Variants in KCNH7 observed in about 807,000 individuals in gnomAD.
The protein encoded by KCNH7 is voltage-gated inwardly rectifying potassium channel KCNH7.
KCNH7 carries 49 observed loss-of-function variants against 120.8 expected under a neutral mutation model. The ratio of observed to expected loss-of-function variants is 0.41; its 90% confidence interval spans 0.32 to 0.51. The LOEUF is 0.51. Among genes scored for constraint, KCNH7 ranks in the 20% least tolerant of loss-of-function variants. The pLI, the probability that KCNH7 is intolerant of heterozygous loss-of-function variation, is 0.38. For synonymous variants in KCNH7, 547 were observed against 516.1 expected (o/e 1.06, Z -0.81); for missense variants, 1,097 against 1,446.6 (o/e 0.76, Z 3.92).
intron 6 of KCNH7, among the ~76,000 whole-genome samples, chr2:162,495,286 A>G (rs2105728116): frequency 6.6e-6 from 1 of 152,286 alleles, no homozygotes; most frequent in East Asian, 1.9e-4. Context: ...CCTTGTCTAA[A>G]GAGTCCCTGT....
chr2:162,500,882 T>C (rs1261731624), intron 6 of KCNH7, among the ~76,000 whole-genome samples: 1 of 152,102 alleles, frequency 6.6e-6, no homozygotes, highest in African/African-American at 2.4e-5. Flanking sequence ...TTGTTTTTGG[T>C]GACCAGAGGA....
intron 2 of KCNH7, among the ~76,000 whole-genome samples, chr2:162,588,927 G>A (rs1439346989): frequency 6.6e-6 from 1 of 151,992 alleles, no homozygotes; most frequent in Admixed American, 6.6e-5. Context: ...TGGTGGGTGC[G>A]ATCCTAGGAC....
At chr2:162,586,413 T>C (rs549863921) in intron 2 of KCNH7, among the ~76,000 whole-genome samples, 1 of 152,114 alleles carries the variant, frequency 6.6e-6, no homozygotes, top group Admixed American at 6.6e-5. Context: ...ATCCCAGCCA[T>C]CCCAGGTGAG....
intron 2 of KCNH7, among the ~76,000 whole-genome samples, chr2:162,778,345 T>C (rs1272268315): frequency 6.6e-6 from 1 of 152,164 alleles, no homozygotes; most frequent in East Asian, 1.9e-4. Flanking sequence ...TTGTCCACCA[T>C]CTTAAATTGT....
intron 2 of KCNH7, among the ~76,000 whole-genome samples, chr2:162,647,344 C>T (rs961519918): frequency 6.6e-6 from 1 of 152,146 alleles, no homozygotes; most frequent in African/African-American, 2.4e-5. Flanking sequence ...CAGTAAAAAG[C>T]AGCTAGCCCC....
intron 6 of KCNH7, among the ~76,000 whole-genome samples, chr2:162,502,750 G>A (rs558957199): frequency 3.3e-5 from 5 of 152,066 alleles, no homozygotes; most frequent in Admixed American, 6.6e-5. Context: ...AAAGCCCCCA[G>A]AGCAGGTGCT....
intron 2 of KCNH7, among the ~76,000 whole-genome samples, chr2:162,577,686 C>A (rs10194384): frequency 0.52 from 78,505 of 151,656 alleles, 20,550 homozygotes; most frequent in Middle Eastern, 0.62. Context: ...GTCATACCAA[C>A]CTAGATGAGG....
intron 8 of KCNH7, among the ~76,000 whole-genome samples, chr2:162,429,381 G>GTTTTTTTTTTTTTTTTTTTTTTTT (rs1158431426): frequency 4.6e-5 from 2 of 43,408 alleles, no homozygotes; most frequent in Admixed American, 7.5e-4. Context: ...TGAGGAAAAA[G>GTTTTTTTTTTTTTTTTTTTTTTTT]TCTTTTTTTT....
At chr2:162,567,558 C>T (rs188920271) in intron 2 of KCNH7, among the ~76,000 whole-genome samples, 1 of 152,070 alleles carries the variant, frequency 6.6e-6, no homozygotes, top group East Asian at 1.9e-4. Context: ...GTGATTATGG[C>T]AGGAAATGAT....
rs948552699 is a variant in KCNH7 at position 162,538,353 on chromosome 2, G to A, written c.308-1273C>T. Among the ~76,000 whole-genome samples the A allele has an allele frequency of 9.2e-5, 14 of 152,024 alleles. 1 individual carries two copies. Among genetic ancestry groups the A allele is most frequent in the African/African-American group, 3.1e-4 (13 of 41,406 alleles). Reference sequence around the variant, plus strand: ...CGGACCCCCCTGATTTAGGAAATGTGTCCATTTCGACTGCTTTTTTTCACA... The same window carrying A: ...CGGACCCCCCTGATTTAGGAAATGTATCCATTTCGACTGCTTTTTTTCACA... On this transcript the variant is annotated intron_variant, in intron 2 of 15. Transcript: ENST00000332142.
At chr2:162,645,488 C>G (rs534069278) in intron 2 of KCNH7, among the ~76,000 whole-genome samples, 1 of 152,062 alleles carries the variant, frequency 6.6e-6, no homozygotes, top group East Asian at 1.9e-4. Context: ...CACCATGGAA[C>G]AGAGGTACCA....
At chr2:162,458,151 G>A (rs1689033407) in intron 6 of KCNH7, among the ~76,000 whole-genome samples, 1 of 151,522 alleles carries the variant, frequency 6.6e-6, no homozygotes, top group African/African-American at 2.4e-5. Flanking sequence ...GAGTAGGGAT[G>A]ATTGTATAAT....
At chr2:162,439,256 G>A (rs543989653) in intron 7 of KCNH7, among the ~76,000 whole-genome samples, 35 of 151,976 alleles carry the variant, frequency 2.3e-4, no homozygotes, top group Non-Finnish European at 4.3e-4. Flanking sequence ...CTTTTCACTG[G>A]TATTAGAAAA....
At chr2:162,391,600 T>A (rs917179118) in intron 12 of KCNH7, among the ~76,000 whole-genome samples, 1 of 152,074 alleles carries the variant, frequency 6.6e-6, no homozygotes, top group African/African-American at 2.4e-5. Flanking sequence ...ATACCAAGCC[T>A]GTGATTAAAG....
At chr2:162,636,162 T>A (rs1683955466) in intron 2 of KCNH7, among the ~76,000 whole-genome samples, 1 of 152,078 alleles carries the variant, frequency 6.6e-6, no homozygotes, top group African/African-American at 2.4e-5. Context: ...CAAGATTTTG[T>A]GGGGTGGTAT....
intron 2 of KCNH7, among the ~76,000 whole-genome samples, chr2:162,774,882 A>G (rs1683179053): frequency 6.6e-6 from 1 of 152,156 alleles, no homozygotes; most frequent in Non-Finnish European, 1.5e-5. Flanking sequence ...TAATAATGAT[A>G]TTAATTTTCT....
chr2:162,657,076 C>A (rs1684789337), intron 2 of KCNH7, among the ~76,000 whole-genome samples: 1 of 152,176 alleles, frequency 6.6e-6, no homozygotes, highest in South Asian at 2.1e-4. Context: ...AACGTACACA[C>A]AAGTACAGCC....
At chr2:162,712,837 A>G (rs2105360550) in intron 2 of KCNH7, among the ~76,000 whole-genome samples, 1 of 152,344 alleles carries the variant, frequency 6.6e-6, no homozygotes, top group African/African-American at 2.4e-5. Flanking sequence ...TGCTAGGCAG[A>G]AGAAAAGTTC....
chr2:162,438,959 C>T (rs1027991098), intron 7 of KCNH7, among the ~76,000 whole-genome samples: 5 of 152,066 alleles, frequency 3.3e-5, no homozygotes, highest in African/African-American at 1.2e-4. Flanking sequence ...GTTATGAACC[C>T]TTAGCCCCAT....
Sources: allele counts gnomAD v4.1 joint callset (sites outside exome capture counted in the v4.1 genomes callset), GRCh38; gene constraint gnomAD v4.1.1; transcripts MANE v1.5; gene names NCBI Gene and HGNC (gene_info 2026-07-23, HGNC 2026-07-21).